Variants in TP53BP1 observed in about 807,000 individuals in gnomAD.
The protein encoded by TP53BP1 is tumor protein p53 binding protein 1.
Under a neutral mutation model 200.8 loss-of-function variants are expected in TP53BP1, and 61 were observed. The ratio of observed to expected loss-of-function variants is 0.30; its 90% CI spans 0.25 to 0.38. TP53BP1 has a LOEUF of 0.38. Among genes scored for constraint, TP53BP1 ranks in the 10% least tolerant of loss-of-function variants. TP53BP1 has a pLI of 1.00. For synonymous variants in TP53BP1, 822 were observed against 844.3 expected, an observed-to-expected ratio of 0.97 and a Z score of 0.46; for missense variants, 2,144 against 2,371.9, an observed-to-expected ratio of 0.90 and a Z score of 2.00.
chr15:43,410,095 T>C (rs185979359), intron 24 of TP53BP1, among the ~76,000 whole-genome samples: 7 of 152,320 alleles, frequency 4.6e-5, no homozygotes, highest in African/African-American at 7.2e-5. Context: ...GAAGTTCCCT[T>C]TGTGTCTATC....
chr15:43,473,967 AG>A (rs2046788824), intron 10 of TP53BP1, among the ~76,000 whole-genome samples: 1 of 152,150 alleles, frequency 6.6e-6, no homozygotes, highest in African/African-American at 2.4e-5. Flanking sequence ...GAGCCCACGG[AG>A]GGGGTGGAAG....
Position 43,409,748 on chromosome 15 carries a change from T to TA in TP53BP1, c.5306-8dup, listed in dbSNP as rs56813954. ...GGAGGAATTTCCAAAAATTCTATAT[T>TA]AAAAAAAAAAACCAAGATAATAATT... is the stretch of plus-strand genomic sequence containing the variant. On this transcript the variant is annotated splice_region_variant and splice_polypyrimidine_tract_variant and intron_variant, in intron 24 of 27. Coordinates refer to ENST00000382044, the MANE Select transcript of TP53BP1 (RefSeq NM_001141980.3). 27,650 of 1,182,700 alleles carry TA rather than the reference T, an allele frequency of 0.023. No individual in the cohort carries two copies. The highest frequency in any genetic ancestry group is 0.029 in the South Asian group (1,883 of 64,016). The allele number at this position is 1,182,700 out of a possible 1,614,324, so 73.3% of individuals were successfully genotyped here. A position where few individuals can be genotyped will look rare whatever the true frequency, so the allele number is the denominator to read the frequency against.
chr15:43,445,062 C>T (rs2046010932), intron 14 of TP53BP1, among the ~76,000 whole-genome samples: 1 of 152,158 alleles, frequency 6.6e-6, no homozygotes, highest in Admixed American at 6.5e-5. Flanking sequence ...TCAGGCCTCT[C>T]CCAGCCTAAA....
chr15:43,492,476 G>A lies in TP53BP1; in HGVS notation c.8-8C>T. On this transcript the variant is annotated splice_region_variant and splice_polypyrimidine_tract_variant and intron_variant, in intron 1 of 27. Transcript: ENST00000382044. ...TAGGGTCCATCTGCTCCCCTGGAAT[G>A]GAATAACAAAAGATCAGTTCCGTGT... The A allele has an allele frequency of 2.5e-6, 4 of 1,611,142 alleles. No homozygotes were observed. Among genetic ancestry groups the A allele is most frequent in the Non-Finnish European group, 3.4e-6 (4 of 1,178,164 alleles).
At chr15:43,454,167 T>C (rs889123212) in intron 12 of TP53BP1, among the ~76,000 whole-genome samples, 5 of 151,384 alleles carry the variant, frequency 3.3e-5, no homozygotes, top group African/African-American at 1.2e-4. Context: ...ATTGCGCCAC[T>C]GCACTCCAGC....
At position 43,405,490 on chromosome 15, in the gene TP53BP1, T is replaced by C. The variant is rs935582503; in HGVS notation, c.*1893A>G. The C allele has an allele frequency of 5.7e-6, 3 of 523,562 alleles. No homozygotes were observed. In the Admixed American group the frequency reaches 1.0e-4, roughly 18 times the overall value. 32.4% of individuals were successfully genotyped at this position (523,562 alleles called of 1,614,324 possible). The stretch of plus-strand genomic sequence containing the variant: ...GATATGTTCATTTATTCAATAGTCA[T>C]TTATTGAGCACCTACTACGTACCTT... On this transcript the variant is annotated 3_prime_UTR_variant, in exon 28 of 28. Coordinates refer to ENST00000382044, the MANE Select transcript of TP53BP1 (RefSeq NM_001141980.3).
chr15:43,403,594 C>G lies in TP53BP1; in HGVS notation c.*3789G>C, dbSNP rs2044750143. 1.1e-6 allele frequency: 1 copy of G among 945,090 alleles called. No homozygotes were observed. The highest frequency in any genetic ancestry group is 1.6e-5 in the South Asian group (1 of 63,788). The allele number at this position is 945,090 out of a possible 1,614,324, so 58.5% of individuals were successfully genotyped here. A position where few individuals can be genotyped will look rare whatever the true frequency, so the allele number is the denominator to read the frequency against. On this transcript the variant is annotated 3_prime_UTR_variant, in exon 28 of 28. Transcript: ENST00000382044. Reference sequence around the variant, plus strand: ...TTGGGAGGTCAGCTATTAATTAGATCAGCTATTAATCAGACTGTTCTCCTA... The same window carrying G: ...TTGGGAGGTCAGCTATTAATTAGATGAGCTATTAATCAGACTGTTCTCCTA...
rs922909773 is a variant in TP53BP1 at position 43,403,317 on chromosome 15, A to C, written c.*4066T>G. 1 of 177,606 alleles carries C rather than the reference A, an allele frequency of 5.6e-6. No individual in the cohort carries two copies. Among genetic ancestry groups the C allele is most frequent in the African/African-American group, 2.4e-5 (1 of 42,240 alleles). 11.0% of individuals were successfully genotyped at this position (177,606 alleles called of 1,614,324 possible). A position where few individuals can be genotyped will look rare whatever the true frequency, so the allele number is the denominator to read the frequency against. ...TAGTGGGGAAGGGAGTGCTTCACTG[A>C]GAGAGTGGGACTTGAACTGGTATTA... On this transcript the variant is annotated 3_prime_UTR_variant, in exon 28 of 28. Transcript: ENST00000382044.
intron 15 of TP53BP1, among the ~76,000 whole-genome samples, chr15:43,438,628 G>T (rs774976402): frequency 1.3e-5 from 2 of 149,082 alleles, no homozygotes; most frequent in Non-Finnish European, 3.0e-5. Flanking sequence ...GGTGGACAGA[G>T]GACTGTATTA....
chr15:43,429,543 G>C (rs2045624643), intron 17 of TP53BP1, among the ~76,000 whole-genome samples: 1 of 129,730 alleles, frequency 7.7e-6, no homozygotes, highest in South Asian at 2.3e-4. Context: ...TGGTAATTCT[G>C]CATTTTTTTC....
chr15:43,420,820 A>G, intron 20 of TP53BP1, 85 bp from the exon 21 acceptor site: 2 of 1,361,924 alleles, frequency 1.5e-6, no homozygotes, highest in Non-Finnish European at 2.0e-6. Context: ...TCCTTTGTCC[A>G]TGGGTCTCCT....
At position 43,456,402 on chromosome 15, in the gene TP53BP1, A is replaced by C; in HGVS notation, c.2206T>G (p.Leu736Val). The C allele has an allele frequency of 1.3e-6, 2 of 1,598,730 alleles. No homozygotes were observed. Among genetic ancestry groups the C allele is most frequent in the Non-Finnish European group, 1.7e-6 (2 of 1,174,902 alleles). Residue 736 changes from leucine (L) to valine (V), a missense_variant, in exon 12 of 28, where the codon TTG becomes GTG. Transcript: ENST00000382044. ...TCCAATTCTTGGTCAAGTATTGCCAACTTTTGAGGGGAATCAATACTAATC... is the reference window on the plus strand; with the variant it reads ...TCCAATTCTTGGTCAAGTATTGCCACCTTTTGAGGGGAATCAATACTAATC... The part of the protein sequence containing the change: ...SVISIDSPQK[L>V]AILDQELEHK...
chr15:43,442,115 T>C (rs1332585560), intron 14 of TP53BP1, among the ~76,000 whole-genome samples: 1 of 145,504 alleles, frequency 6.9e-6, no homozygotes, highest in Non-Finnish European at 1.5e-5. Context: ...AGACAGAGTC[T>C]CACTCTGTCG....
intron 12 of TP53BP1, among the ~76,000 whole-genome samples, chr15:43,455,038 T>C (rs368145994): frequency 6.6e-6 from 1 of 152,212 alleles, no homozygotes; most frequent in African/African-American, 2.4e-5. Context: ...CCTGTACAAA[T>C]ACTTTAGAAA....
At chr15:43,441,329 T>A in intron 15 of TP53BP1, 197 bp downstream of exon 15, 1 of 485,020 alleles carries the variant, frequency 2.1e-6, no homozygotes, top group Non-Finnish European at 3.7e-6. Flanking sequence ...TAGTTCTAGG[T>A]GTAGAAAAAA....
rs45571642 is a variant in TP53BP1, at chr15:43,471,770, T to G, written c.1181-1704A>C. The stretch of plus-strand genomic sequence containing the variant: ...TATAATTATTTTTATATTTTTTCAA[T>G]GTTCACACTACAGATAAAAGATAAA... On this transcript the variant is annotated intron_variant, in intron 10 of 27. Transcript: ENST00000382044. Among the ~76,000 whole-genome samples, 416 of 152,312 alleles carry G rather than the reference T, an allele frequency of 2.7e-3. 6 individuals are homozygous for G. Among genetic ancestry groups the G allele is most frequent in the Admixed American group, 0.022 (329 of 15,302 alleles).
intron 23 of TP53BP1, chr15:43,414,049 T>G: frequency 2.2e-6 from 1 of 453,516 alleles, no homozygotes; most frequent in South Asian, 1.6e-5. Context: ...AACAGATACC[T>G]GACCTGGAGA....
intron 4 of TP53BP1, among the ~76,000 whole-genome samples, chr15:43,482,408 G>C (rs1379796102): frequency 6.6e-6 from 1 of 152,172 alleles, no homozygotes; most frequent in Non-Finnish European, 1.5e-5. Context: ...GGCCGAAGTG[G>C]GCGGATCATT....
chr15:43,407,232 T>C lies in TP53BP1; in HGVS notation c.*151A>G. On this transcript the variant is annotated 3_prime_UTR_variant, in exon 28 of 28. Transcript: ENST00000382044. ...ATCCCAGTTACTACAACCAAAGAGA[T>C]TCAACATTTATTTTATCATAAAAGT... The C allele has an allele frequency of 1.5e-6, 1 of 671,908 alleles. No homozygotes were observed. The highest frequency in any genetic ancestry group is 2.1e-5 in the South Asian group (1 of 47,564). The allele number at this position is 671,908 out of a possible 1,614,324, so 41.6% of individuals were successfully genotyped here. A position where few individuals can be genotyped will look rare whatever the true frequency, so the allele number is the denominator to read the frequency against.
Sources: gnomAD v4.1 joint callset for allele counts (sites outside exome capture counted in the v4.1 genomes callset) on GRCh38, gnomAD v4.1.1 for gene constraint, MANE v1.5 for transcripts, NCBI Gene and HGNC (gene_info 2026-07-23, HGNC 2026-07-21) for gene names.